Variants in SCFD2 observed in about 807,000 individuals in gnomAD.
The protein encoded by SCFD2 is sec1 family domain containing 2, also known as sec1 family domain-containing protein 2.
In SCFD2, 54 loss-of-function variants were observed where a neutral mutation model predicts 58.9. That is an observed-to-expected ratio of 0.92 (90% CI 0.74 to 1.15). The LOEUF is 1.15. Among genes scored for constraint, SCFD2 ranks in the 50% most tolerant of loss-of-function variants. SCFD2 has a pLI of 0.00. For synonymous variants in SCFD2, 321 were observed against 335.9 expected (o/e 0.96, Z 0.49); for missense variants, 805 against 836.6 (o/e 0.96, Z 0.47).
chr4:53,270,863 G>A (rs1400781643), intron 4 of SCFD2, among the ~76,000 whole-genome samples: 1 of 151,760 alleles, frequency 6.6e-6, no homozygotes, highest in East Asian at 1.9e-4. Context: ...AAAAACTGGG[G>A]GAAAAAACAC....
intron 3 of SCFD2, among the ~76,000 whole-genome samples, chr4:53,294,011 G>A (rs1164179667): frequency 1.3e-5 from 2 of 150,446 alleles, no homozygotes; most frequent in East Asian, 2.0e-4. Context: ...TTAGTTTGTG[G>A]AGAATGATGG....
chr4:53,000,679 C>T (rs1721844215), intron 5 of SCFD2, among the ~76,000 whole-genome samples: 1 of 152,210 alleles, frequency 6.6e-6, no homozygotes, highest in Non-Finnish European at 1.5e-5. Context: ...CTGGTCCTCG[C>T]TGTGGGTATC....
intron 4 of SCFD2, among the ~76,000 whole-genome samples, chr4:53,183,517 G>A (rs1727647142): frequency 6.6e-6 from 1 of 152,104 alleles, no homozygotes; most frequent in Admixed American, 6.5e-5. Context: ...GTGGGGGAGT[G>A]GGGAGGGATA....
intron 5 of SCFD2, among the ~76,000 whole-genome samples, chr4:53,035,989 GATT>G (rs1356257336): frequency 6.6e-6 from 1 of 152,058 alleles, no homozygotes; most frequent in African/African-American, 2.4e-5. Flanking sequence ...ATACCCAAAG[GATT>G]ATAAATCATT....
chr4:53,120,768 C>T (rs1725456619), intron 5 of SCFD2, among the ~76,000 whole-genome samples: 2 of 152,030 alleles, frequency 1.3e-5, no homozygotes, highest in Non-Finnish European at 2.9e-5. Context: ...TTAATGTCCC[C>T]CAGAAGGGTG....
At chr4:53,323,430 G>C (rs1733083265) in intron 2 of SCFD2, among the ~76,000 whole-genome samples, 1 of 150,728 alleles carries the variant, frequency 6.6e-6, no homozygotes. Context: ...TTGGAGTATA[G>C]TAGCATAATC....
intron 5 of SCFD2, among the ~76,000 whole-genome samples, chr4:52,940,882 A>T (rs1362045588): frequency 6.6e-6 from 1 of 152,126 alleles, no homozygotes; most frequent in African/African-American, 2.4e-5. Context: ...AGGACTGGTT[A>T]AGACCCTTGG....
intron 4 of SCFD2, among the ~76,000 whole-genome samples, chr4:53,250,127 C>CA (rs1577896353): frequency 4.0e-5 from 6 of 151,712 alleles, no homozygotes; most frequent in African/African-American, 1.4e-4. Flanking sequence ...AAATGGAAAA[C>CA]AAAAAAAGGC....
intron 7 of SCFD2, among the ~76,000 whole-genome samples, chr4:52,902,214 G>T (rs1438178960): frequency 6.6e-6 from 1 of 152,216 alleles, no homozygotes; most frequent in Non-Finnish European, 1.5e-5. Context: ...GCTTGTCATG[G>T]CATGTGTCCA....
chr4:53,235,086 G>T (rs1437294244), intron 4 of SCFD2, among the ~76,000 whole-genome samples: 2 of 152,198 alleles, frequency 1.3e-5, no homozygotes, highest in East Asian at 1.9e-4. Flanking sequence ...GGAAGAAAGG[G>T]GATAAGGGAA....
At chr4:53,244,984 T>G (rs966018576) in intron 4 of SCFD2, among the ~76,000 whole-genome samples, 1 of 151,988 alleles carries the variant, frequency 6.6e-6, no homozygotes, top group Non-Finnish European at 1.5e-5. Flanking sequence ...GACACCTCTA[T>G]GTACACAAAC....
At chr4:52,918,736 C>T (rs1023295580) in intron 6 of SCFD2, among the ~76,000 whole-genome samples, 4 of 152,062 alleles carry the variant, frequency 2.6e-5, no homozygotes, top group African/African-American at 9.7e-5. Flanking sequence ...TACAGAATGA[C>T]CTACATGTCC....
intron 5 of SCFD2, among the ~76,000 whole-genome samples, chr4:53,012,465 G>A (rs142417663): frequency 1.3e-5 from 2 of 152,000 alleles, no homozygotes; most frequent in Non-Finnish European, 2.9e-5. Flanking sequence ...CCTCTGTGAA[G>A]TGCCCATAAT....
At position 53,300,497 on chromosome 4, in the gene SCFD2, C is replaced by G. The variant is rs549160123; in HGVS notation, c.1135+13139G>C. Among the ~76,000 whole-genome samples the G allele has an allele frequency of 1.3e-4, 20 of 152,142 alleles. No homozygotes were observed. In the South Asian group the frequency reaches 2.9e-3, roughly 22 times the overall value. ...AGACTTAGACTCCCACACAATAATACTGGGAGACTTTAACACCCCACTGTC... is the reference window on the plus strand; with the variant it reads ...AGACTTAGACTCCCACACAATAATAGTGGGAGACTTTAACACCCCACTGTC... On this transcript the variant is annotated intron_variant, in intron 3 of 8. Coordinates refer to ENST00000401642, the MANE Select transcript of SCFD2 (RefSeq NM_152540.4).
intron 5 of SCFD2, among the ~76,000 whole-genome samples, chr4:53,054,933 T>C (rs562445226): frequency 1.5e-4 from 23 of 152,186 alleles, no homozygotes; most frequent in African/African-American, 5.1e-4. Flanking sequence ...GGATTACAGG[T>C]GTGAGCCATT....
intron 5 of SCFD2, chr4:52,958,227 T>C (rs1720755880): frequency 6.6e-6 from 1 of 152,226 alleles, no homozygotes. Flanking sequence ...TGCGTAAACA[T>C]TTGATTCCAG....
intron 5 of SCFD2, among the ~76,000 whole-genome samples, chr4:53,074,710 C>G (rs1349569539): frequency 6.6e-6 from 1 of 151,968 alleles, no homozygotes; most frequent in Non-Finnish European, 1.5e-5. Flanking sequence ...TGTTAATAAG[C>G]AGAAAAAAGG....
rs191236747 is a variant in SCFD2, at chr4:52,904,543, C to T, written c.1842+2914G>A. Among the ~76,000 whole-genome samples, 456 of 152,260 alleles carry T rather than the reference C, an allele frequency of 3.0e-3. 5 individuals carry two copies. The highest frequency in any genetic ancestry group is 0.01 in the African/African-American group (428 of 41,546). On this transcript the variant is annotated intron_variant, in intron 7 of 8. Coordinates refer to ENST00000401642, the MANE Select transcript of SCFD2 (RefSeq NM_152540.4). ...CTGCCAATGAGTCCCAGGGCCAAGT[C>T]GCAGAGACACAGATGAGGTAGCAGC...
At chr4:53,243,249 C>G (rs1299002017) in intron 4 of SCFD2, among the ~76,000 whole-genome samples, 2 of 152,106 alleles carry the variant, frequency 1.3e-5, no homozygotes, top group Non-Finnish European at 2.9e-5. Context: ...GTCACCTATA[C>G]AGGGAAGCCC....
Sources: allele counts gnomAD v4.1 joint callset (sites outside exome capture counted in the v4.1 genomes callset), GRCh38; gene constraint gnomAD v4.1.1; transcripts MANE v1.5; gene names NCBI Gene and HGNC (gene_info 2026-07-23, HGNC 2026-07-21).